BCAR3: variants seen among roughly 807,000 people sequenced by gnomAD.
The protein encoded by BCAR3 is BCAR3 adaptor protein, NSP family member.
A neutral mutation model predicts 80.1 loss-of-function variants in BCAR3; 37 were observed. The observed-to-expected ratio is 0.46, with a 90% CI of 0.36 to 0.61. The LOEUF (loss-of-function observed/expected upper bound fraction) is 0.61, where lower values mean the gene tolerates loss of function less well. Among genes scored for constraint, BCAR3 ranks in the 20% least tolerant of loss-of-function variants. The pLI, the probability that BCAR3 is intolerant of heterozygous loss-of-function variation, is 0.00. For missense variants in BCAR3, 978 were observed against 1,068.2 expected (o/e 0.92, Z 1.18); for synonymous variants, 389 against 418.9 (o/e 0.93, Z 0.87).
rs537052829 is a variant in BCAR3, at chr1:93,740,128, G to C, written c.-62-33986C>G. On this transcript the variant is annotated intron_variant, in intron 2 of 13. Coordinates refer to the BCAR3 transcript ENST00000370244. Reference sequence around the variant, plus strand: ...GGTGGCACAAAATCACAACAGGAAGGCATTTTCATCTGGGGAGAAAAGTCA... The same window carrying C: ...GGTGGCACAAAATCACAACAGGAAGCCATTTTCATCTGGGGAGAAAAGTCA... Among the ~76,000 whole-genome samples the C allele has an allele frequency of 1.9e-3, 288 of 152,288 alleles. 3 individuals are homozygous for C. Among genetic ancestry groups the C allele is most frequent in the Non-Finnish European group, 1.0e-3 (70 of 68,026 alleles).
chr1:93,630,663 C>T (rs1284005464), intron 3 of BCAR3, among the ~76,000 whole-genome samples: 1 of 151,946 alleles, frequency 6.6e-6, no homozygotes, highest in East Asian at 1.9e-4. Flanking sequence ...AAATTTGGGA[C>T]AAATGAGGAT....
chr1:93,695,929 C>T (rs1649374978), intron 3 of BCAR3, among the ~76,000 whole-genome samples: 1 of 152,172 alleles, frequency 6.6e-6, no homozygotes. Flanking sequence ...TTCTGTGTGT[C>T]CTCTTTCCCC....
chr1:93,806,054 G>T (rs1217306129), intron 2 of BCAR3, among the ~76,000 whole-genome samples: 1 of 152,062 alleles, frequency 6.6e-6, no homozygotes, highest in Non-Finnish European at 1.5e-5. Context: ...TTTAAAAAAA[G>T]ATAAAAGTTC....
intron 2 of BCAR3, among the ~76,000 whole-genome samples, chr1:93,844,043 G>A (rs1020375419): frequency 6.6e-6 from 1 of 152,186 alleles, no homozygotes; most frequent in Non-Finnish European, 1.5e-5. Flanking sequence ...TGCTGGCCAG[G>A]CACGGTAGCT....
chr1:93,830,078 G>A (rs749267436), intron 2 of BCAR3, among the ~76,000 whole-genome samples: 9 of 152,168 alleles, frequency 5.9e-5, no homozygotes, highest in Non-Finnish European at 1.3e-4. Flanking sequence ...TAAGTTTCCT[G>A]AGGCCTCCCC....
chr1:93,772,271 G>A (rs1457609524), intron 2 of BCAR3, among the ~76,000 whole-genome samples: 1 of 152,204 alleles, frequency 6.6e-6, no homozygotes, highest in African/African-American at 2.4e-5. Context: ...CTGACTACAA[G>A]TTGGAGAGAG....
intron 1 of BCAR3, among the ~76,000 whole-genome samples, chr1:93,678,743 C>T (rs2101952370): frequency 6.6e-6 from 1 of 152,174 alleles, no homozygotes; most frequent in African/African-American, 2.4e-5. Context: ...ACTGGGAAGG[C>T]CTCTCTGAAA....
intron 3 of BCAR3, among the ~76,000 whole-genome samples, chr1:93,694,219 C>T (rs894543263): frequency 2.0e-5 from 3 of 152,182 alleles, no homozygotes; most frequent in Non-Finnish European, 2.9e-5. Context: ...TCCCCTGGCA[C>T]GTGGAAATCA....
chr1:93,573,479 T>C (rs1432567875), intron 8 of BCAR3, among the ~76,000 whole-genome samples: 1 of 152,044 alleles, frequency 6.6e-6, no homozygotes, highest in Non-Finnish European at 1.5e-5. Flanking sequence ...TCTCTGTACA[T>C]GTCTCTCCCT....
chr1:93,604,592 C>T (rs236341), intron 3 of BCAR3, among the ~76,000 whole-genome samples: 3,844 of 152,224 alleles, frequency 0.025, 158 homozygotes, highest in African/African-American at 0.086. Flanking sequence ...TGATAGGTGC[C>T]CATGCCTTCT....
chr1:93,730,794 G>T (rs932594041), intron 2 of BCAR3, among the ~76,000 whole-genome samples: 1 of 152,212 alleles, frequency 6.6e-6, no homozygotes, highest in African/African-American at 2.4e-5. Flanking sequence ...TCCCTCATCC[G>T]GAAGGTGGAG....
At chr1:93,685,199 C>T (rs907744238), upstream of BCAR3, among the ~76,000 whole-genome samples, 2 of 152,166 alleles carry the variant, frequency 1.3e-5, no homozygotes, top group African/African-American at 4.8e-5. Context: ...AGAACCATTG[C>T]AGTATGGTTC....
intron 2 of BCAR3, among the ~76,000 whole-genome samples, chr1:93,845,151 CACTT>C (rs1159826229): frequency 6.6e-6 from 1 of 151,938 alleles, no homozygotes; most frequent in Admixed American, 6.6e-5. Flanking sequence ...TCTCAACTGT[CACTT>C]AATCACGTCA....
At chr1:93,825,991 C>T (rs1464883817) in intron 2 of BCAR3, among the ~76,000 whole-genome samples, 1 of 152,142 alleles carries the variant, frequency 6.6e-6, no homozygotes, top group African/African-American at 2.4e-5. Context: ...AGAAAATTCT[C>T]TAACTCTTGA....
chr1:93,625,227 T>G (rs1675422645), intron 3 of BCAR3, among the ~76,000 whole-genome samples: 2 of 152,010 alleles, frequency 1.3e-5, no homozygotes, highest in African/African-American at 4.8e-5. Context: ...AAAAGAGTCA[T>G]TTTACTCTCT....
intron 2 of BCAR3, among the ~76,000 whole-genome samples, chr1:93,664,319 A>G (rs1647798021): frequency 6.6e-6 from 1 of 152,136 alleles, no homozygotes; most frequent in Non-Finnish European, 1.5e-5. Flanking sequence ...AGGTTTCTCC[A>G]TGTTGGTCAG....
intron 2 of BCAR3, among the ~76,000 whole-genome samples, chr1:93,744,674 G>A (rs1253879991): frequency 6.6e-6 from 1 of 152,160 alleles, no homozygotes; most frequent in South Asian, 2.1e-4. Flanking sequence ...CGATCATAAA[G>A]GGGACCAAGC....
intron 3 of BCAR3, among the ~76,000 whole-genome samples, chr1:93,705,184 C>A (rs576554926): frequency 6.6e-6 from 1 of 152,060 alleles, no homozygotes; most frequent in Non-Finnish European, 1.5e-5. Flanking sequence ...GGGGTTTCTG[C>A]GTGGAAAAGA....
chr1:93,615,098 T>A (rs1163109576), intron 3 of BCAR3, among the ~76,000 whole-genome samples: 1 of 151,794 alleles, frequency 6.6e-6, no homozygotes, highest in Admixed American at 6.6e-5. Context: ...TTTTTGTGGC[T>A]TCGGCCTCAA....
Sources: gnomAD v4.1 joint callset for allele counts (sites outside exome capture counted in the v4.1 genomes callset) on GRCh38, gnomAD v4.1.1 for gene constraint, MANE v1.5 for transcripts, NCBI Gene and HGNC (gene_info 2026-07-23, HGNC 2026-07-21) for gene names.